DLEU7: variants seen among roughly 807,000 people sequenced by gnomAD.
DLEU7 encodes the protein deleted in lymphocytic leukemia 7.
In DLEU7, 17 loss-of-function variants were observed where a neutral mutation model predicts 16.0. The ratio of observed to expected loss-of-function variants is 1.06; its 90% CI spans 0.73 to 1.59. The LOEUF is 1.59. Ranked by LOEUF, DLEU7 falls within the 40% of genes most tolerant of loss-of-function variation. The pLI is 0.00. For synonymous variants in DLEU7, 113 were observed against 139.8 expected (o/e 0.81, Z 1.35); for missense variants, 308 against 314.9 (o/e 0.98, Z 0.17).
intron 1 of DLEU7, among the ~76,000 whole-genome samples, chr13:50,727,828 A>G (rs537644717): frequency 1.2e-3 from 176 of 152,298 alleles, no homozygotes; most frequent in South Asian, 3.3e-3. Flanking sequence ...TTCTGCATGA[A>G]CACTCGGTGT....
intron 1 of DLEU7, among the ~76,000 whole-genome samples, chr13:50,830,371 A>G (rs1877223328): frequency 6.6e-6 from 1 of 152,252 alleles, no homozygotes; most frequent in South Asian, 2.1e-4. Context: ...GATAAAAGGC[A>G]ATAAGATATG....
rs373580222 is a variant in DLEU7 at position 50,827,020 on chromosome 13, G to A, written c.460-3500C>T. 9.9e-5 allele frequency among the ~76,000 whole-genome samples: 15 copies of A among 152,218 alleles called. No individual in the cohort carries two copies. In the East Asian group the frequency reaches 2.9e-3, roughly 29 times the overall value. ...TATTTCTGAAGACATAATTCTGAGA[G>A]GAAATTCAACTGAAAATGGCTGAGA... On this transcript the variant is annotated intron_variant, in intron 1 of 1. Coordinates refer to ENST00000504404, the MANE Select transcript of DLEU7 (RefSeq NM_001306135.2).
chr13:50,745,809 T>C (rs1307493974), intron 1 of DLEU7, among the ~76,000 whole-genome samples: 1 of 152,196 alleles, frequency 6.6e-6, no homozygotes, highest in East Asian at 1.9e-4. Context: ...AATTTCCTGA[T>C]TCTTTCAGTC....
chr13:50,789,972 C>T (rs1490599159), intron 1 of DLEU7, among the ~76,000 whole-genome samples: 5 of 147,582 alleles, frequency 3.4e-5, no homozygotes, highest in East Asian at 2.0e-4. Context: ...GACAGAGTCT[C>T]GCTCTGTTGC....
chr13:50,764,607 A>G (rs560393044), intron 1 of DLEU7, among the ~76,000 whole-genome samples: 1 of 152,364 alleles, frequency 6.6e-6, no homozygotes, highest in South Asian at 2.1e-4. Flanking sequence ...TTTCTGGCAC[A>G]GTTGTTATTC....
chr13:50,747,663 C>T (rs1874441584), intron 1 of DLEU7, among the ~76,000 whole-genome samples: 1 of 151,980 alleles, frequency 6.6e-6, no homozygotes, highest in Admixed American at 6.6e-5. Flanking sequence ...AGCCTGTGAG[C>T]CTGGGTTGTT....
chr13:50,796,322 T>C (rs1876107857), intron 1 of DLEU7, among the ~76,000 whole-genome samples: 3 of 152,122 alleles, frequency 2.0e-5, no homozygotes, highest in Admixed American at 2.0e-4. Context: ...TAAGGGTTAT[T>C]TGAACACAAG....
intron 1 of DLEU7, among the ~76,000 whole-genome samples, chr13:50,806,190 A>G (rs1443284536): frequency 6.6e-6 from 1 of 152,106 alleles, no homozygotes; most frequent in Non-Finnish European, 1.5e-5. Flanking sequence ...TAAGCTTTGC[A>G]TTACTGTTTT....
chr13:50,828,466 T>C (rs1327405729), intron 1 of DLEU7, among the ~76,000 whole-genome samples: 1 of 152,210 alleles, frequency 6.6e-6, no homozygotes, highest in Non-Finnish European at 1.5e-5. Context: ...TACTGAACTA[T>C]ATCACAAATT....
At chr13:50,754,634 C>T (rs963698964) in intron 1 of DLEU7, among the ~76,000 whole-genome samples, 13 of 152,154 alleles carry the variant, frequency 8.5e-5, no homozygotes, top group African/African-American at 3.1e-4. Flanking sequence ...TTCTGCAGTT[C>T]TGTATCTTTT....
intron 1 of DLEU7, among the ~76,000 whole-genome samples, chr13:50,758,599 C>G (rs144329577): frequency 2.2e-4 from 33 of 152,244 alleles, no homozygotes; most frequent in African/African-American, 7.5e-4. Flanking sequence ...AAGACTCCAC[C>G]GGGGGAAGTC....
At chr13:50,780,106 G>T (rs959596551) in intron 1 of DLEU7, among the ~76,000 whole-genome samples, 1 of 152,182 alleles carries the variant, frequency 6.6e-6, no homozygotes, top group Admixed American at 6.5e-5. Flanking sequence ...AAGAACAGCT[G>T]GCAGAGGGGA....
chr13:50,797,633 A>G (rs921762651), intron 1 of DLEU7, among the ~76,000 whole-genome samples: 1 of 152,200 alleles, frequency 6.6e-6, no homozygotes, highest in Non-Finnish European at 1.5e-5. Context: ...CATGGCAGGA[A>G]AGTATATGAA....
chr13:50,790,696 G>A (rs538701474), intron 1 of DLEU7, among the ~76,000 whole-genome samples: 1 of 152,222 alleles, frequency 6.6e-6, no homozygotes, highest in East Asian at 1.9e-4. Context: ...GGGGTAGGAA[G>A]AGGACTCTGT....
intron 1 of DLEU7, among the ~76,000 whole-genome samples, chr13:50,782,964 CT>C (rs1875698408): frequency 6.6e-6 from 1 of 152,198 alleles, no homozygotes; most frequent in Non-Finnish European, 1.5e-5. Context: ...GCGTGTGTCT[CT>C]TTTCTATTCT....
chr13:50,843,850 C>T (rs1027619859), upstream of DLEU7: 4 of 627,278 alleles, frequency 6.4e-6, no homozygotes, highest in African/African-American at 5.9e-5. The surrounding 1 kb of genome is among the most constrained non-coding windows in gnomAD (Gnocchi z 5.7). Flanking sequence ...CCGAATCAGG[C>T]GTGTTCTGAC....
At chr13:50,737,853 C>A (rs2497091) in intron 1 of DLEU7, among the ~76,000 whole-genome samples, 4,132 of 152,096 alleles carry the variant, frequency 0.027, 183 homozygotes, top group African/African-American at 0.095. Flanking sequence ...AAAAGCTAGC[C>A]ATGATTAAAC....
intron 1 of DLEU7, among the ~76,000 whole-genome samples, chr13:50,716,925 A>C (rs986840789): frequency 6.6e-6 from 1 of 152,170 alleles, no homozygotes; most frequent in African/African-American, 2.4e-5. Context: ...CTTATTTTTC[A>C]CTCAATTTCC....
chr13:50,738,720 A>G (rs906889391), intron 1 of DLEU7, among the ~76,000 whole-genome samples: 2 of 152,136 alleles, frequency 1.3e-5, no homozygotes, highest in African/African-American at 4.8e-5. Context: ...ATACTTATAT[A>G]TTTGTGATAC....
Sources: gnomAD v4.1 joint callset for allele counts (sites outside exome capture counted in the v4.1 genomes callset) on GRCh38, gnomAD v4.1.1 for gene constraint, Gnocchi (gnomAD v3.1) non-coding constraint, MANE v1.5 for transcripts, NCBI Gene and HGNC (gene_info 2026-07-23, HGNC 2026-07-21) for gene names.